Variants in LRBA observed in about 807,000 individuals in gnomAD.
LRBA encodes the protein LPS responsive beige-like anchor protein.
Under a neutral mutation model 330.0 loss-of-function variants are expected in LRBA, and 176 were observed. The observed-to-expected ratio is 0.53, with a 90% CI of 0.47 to 0.60. The LOEUF is 0.60. Ranked by LOEUF, LRBA falls within the 20% of genes least tolerant of loss-of-function variation. The pLI, the probability that LRBA is intolerant of heterozygous loss-of-function variation, is 0.00. For synonymous variants in LRBA, 1,230 were observed against 1,193.0 expected (o/e 1.03, Z -0.64); for missense variants, 3,259 against 3,444.8 (o/e 0.95, Z 1.35).
chr4:150,327,372 A>C (rs1442362148), intron 48 of LRBA, among the ~76,000 whole-genome samples: 1 of 152,152 alleles, frequency 6.6e-6, no homozygotes, highest in African/African-American at 2.4e-5. Flanking sequence ...GTGAGCTATC[A>C]TTGCACCACT....
chr4:150,536,975 T>C lies in LRBA; in HGVS notation c.6331-45940A>G, dbSNP rs191171095. Among the ~76,000 whole-genome samples the C allele has an allele frequency of 2.4e-3, 362 of 152,248 alleles. 1 individual carries two copies. The highest frequency in any genetic ancestry group is 8.2e-3 in the African/African-American group (340 of 41,566). Reference sequence around the variant, plus strand: ...ATGTCATTTTTCACAGAATTAGAAATAACTATTCTAAAATCATATGGAAGC... The same window carrying C: ...ATGTCATTTTTCACAGAATTAGAAACAACTATTCTAAAATCATATGGAAGC... On this transcript the variant is annotated intron_variant, in intron 40 of 56. Coordinates refer to ENST00000651943, the MANE Select transcript of LRBA (RefSeq NM_001364905.1).
In LRBA at chr4:150,697,326, A is replaced by AAAAAAAAAAAC. The variant is rs1784721501; in HGVS notation, c.5755-13610_5755-13609insGTTTTTTTTTT. ...GTGACAGAGTGAGACTTTGTCTCAG[A>AAAAAAAAAAAC]AAAAAAAAAAAAAAAAAAAAAAAAA... On this transcript the variant is annotated intron_variant, in intron 36 of 56. Coordinates refer to ENST00000651943, the MANE Select transcript of LRBA (RefSeq NM_001364905.1). Among the ~76,000 whole-genome samples the AAAAAAAAAAAC allele has an allele frequency of 3.1e-5, 2 of 65,102 alleles. 1 individual carries two copies. The highest frequency in any genetic ancestry group is 6.7e-5 in the Non-Finnish European group (2 of 29,822). 42.7% of individuals were successfully genotyped at this position (65,102 alleles called of 152,430 possible).
intron 44 of LRBA, among the ~76,000 whole-genome samples, chr4:150,447,145 A>T (rs1238408421): frequency 6.6e-6 from 1 of 152,232 alleles, no homozygotes; most frequent in Admixed American, 6.5e-5. Flanking sequence ...TGTTCAGTTT[A>T]TAAGTTACTA....
intron 26 of LRBA, among the ~76,000 whole-genome samples, chr4:150,846,189 G>A (rs1749814469): frequency 6.6e-6 from 1 of 152,092 alleles, no homozygotes; most frequent in Non-Finnish European, 1.5e-5. Context: ...CTTATAAGTG[G>A]GAGCTAAATA....
At chr4:151,006,126 A>G (rs1744046851) in intron 2 of LRBA, among the ~76,000 whole-genome samples, 1 of 152,088 alleles carries the variant, frequency 6.6e-6, no homozygotes, top group East Asian at 1.9e-4. Flanking sequence ...CGGATCACCT[A>G]AGGTCAGGAG....
At chr4:150,903,224 A>T (rs1730952131) in intron 13 of LRBA, among the ~76,000 whole-genome samples, 1 of 152,100 alleles carries the variant, frequency 6.6e-6, no homozygotes, top group Non-Finnish European at 1.5e-5. Flanking sequence ...CTCTACAAAA[A>T]AATTTAAAGA....
intron 47 of LRBA, among the ~76,000 whole-genome samples, chr4:150,406,814 T>C (rs1028229234): frequency 1.3e-5 from 2 of 152,132 alleles, no homozygotes; most frequent in Admixed American, 6.5e-5. Context: ...GGAATCTCAC[T>C]CTGTAGCCCA....
At chr4:150,682,635 T>C (rs187844000) in intron 37 of LRBA, among the ~76,000 whole-genome samples, 1 of 152,250 alleles carries the variant, frequency 6.6e-6, no homozygotes, top group Non-Finnish European at 1.5e-5. Flanking sequence ...TTTTTTTCTT[T>C]ATACTGGAAA....
intron 40 of LRBA, among the ~76,000 whole-genome samples, chr4:150,500,962 T>G (rs1581501834): frequency 6.6e-6 from 1 of 152,320 alleles, no homozygotes; most frequent in South Asian, 2.1e-4. Flanking sequence ...CTTGTTTAGT[T>G]GGAGTCAGTT....
rs575811628 is a variant in LRBA at position 150,680,580 on chromosome 4, C to A, written c.5921+2971G>T. Among the ~76,000 whole-genome samples, 11 of 152,326 alleles carry A rather than the reference C, an allele frequency of 7.2e-5. No homozygotes were observed. The South Asian group carries it at 2.1e-3, about 29-fold the overall frequency. On this transcript the variant is annotated intron_variant, in intron 37 of 56. Coordinates refer to ENST00000651943, the MANE Select transcript of LRBA (RefSeq NM_001364905.1). ...TTATAAAGGGTATTAAGTCTACCAA[C>A]TATAACATGTTCAAAATGGCTATAA...
chr4:150,652,002 C>T (rs1779750050), intron 37 of LRBA, among the ~76,000 whole-genome samples: 1 of 152,110 alleles, frequency 6.6e-6, no homozygotes, highest in Non-Finnish European at 1.5e-5. Context: ...TACTACCACA[C>T]TCAGATAATT....
At chr4:151,009,184 T>C (rs1162287511) in intron 2 of LRBA, among the ~76,000 whole-genome samples, 1 of 150,738 alleles carries the variant, frequency 6.6e-6, no homozygotes, top group Non-Finnish European at 1.5e-5. Flanking sequence ...TTTTCAAATA[T>C]AGAGTACAAC....
At chr4:150,834,391 A>C (rs1391455867) in intron 28 of LRBA, among the ~76,000 whole-genome samples, 1 of 152,220 alleles carries the variant, frequency 6.6e-6, no homozygotes, top group Admixed American at 6.5e-5. Context: ...ATGACTCTTA[A>C]TCCATGAACT....
At chr4:150,560,542 C>T (rs973880947) in intron 40 of LRBA, among the ~76,000 whole-genome samples, 1 of 152,072 alleles carries the variant, frequency 6.6e-6, no homozygotes, top group African/African-American at 2.4e-5. Context: ...TGATTAATAC[C>T]ACTGGCGAAT....
intron 38 of LRBA, among the ~76,000 whole-genome samples, chr4:150,595,937 T>A (rs1452895701): frequency 6.6e-6 from 1 of 151,904 alleles, no homozygotes; most frequent in East Asian, 1.9e-4. Flanking sequence ...TTTAAAACTA[T>A]AAAATGGAAG....
intron 26 of LRBA, among the ~76,000 whole-genome samples, chr4:150,847,179 T>C (rs1283503949): frequency 2.0e-5 from 3 of 152,174 alleles, no homozygotes; most frequent in African/African-American, 7.2e-5. Flanking sequence ...TAGATAAGTT[T>C]CCCAATTTCT....
At chr4:150,538,577 G>A (rs1482833626) in intron 40 of LRBA, among the ~76,000 whole-genome samples, 1 of 152,128 alleles carries the variant, frequency 6.6e-6, no homozygotes, top group African/African-American at 2.4e-5. Context: ...ATAAATGGGA[G>A]TTAAACACTG....
At chr4:150,587,966 G>T in intron 40 of LRBA, 82 bp downstream of exon 40, 1 of 1,430,510 alleles carries the variant, frequency 7.0e-7, no homozygotes. Flanking sequence ...AACTAAGCCT[G>T]TCAGATTTAC....
intron 2 of LRBA, chr4:151,013,592 G>C (rs1745095085): frequency 6.6e-6 from 1 of 152,160 alleles, no homozygotes; most frequent in South Asian, 2.1e-4. Context: ...CCTATACAGT[G>C]ATGCATGCCT....
Sources: gnomAD v4.1 joint callset for allele counts (sites outside exome capture counted in the v4.1 genomes callset) on GRCh38, gnomAD v4.1.1 for gene constraint, MANE v1.5 for transcripts, NCBI Gene and HGNC (gene_info 2026-07-23, HGNC 2026-07-21) for gene names.